Variants in SEPTIN2 observed in about 807,000 individuals in gnomAD.
SEPTIN2 encodes the protein septin 2, also known as septin-2.
A neutral mutation model predicts 46.5 loss-of-function variants in SEPTIN2; 34 were observed. The observed-to-expected ratio is 0.73, with a 90% confidence interval of 0.56 to 0.97. The LOEUF (loss-of-function observed/expected upper bound fraction) is 0.97. SEPTIN2 is among the 50% of genes least tolerant of loss of function. The pLI is 0.00. For missense variants in SEPTIN2, 347 were observed against 448.4 expected (o/e 0.77, Z 2.04); for synonymous variants, 175 against 153.4 (o/e 1.14, Z -1.04).
intron 9 of SEPTIN2, 129 bp downstream of exon 9, chr2:241,344,026 A>ACCACT: frequency 8.7e-7 from 1 of 1,143,638 alleles, no homozygotes; most frequent in Non-Finnish European, 1.3e-6. Flanking sequence ...TGTTTCTCAC[A>ACCACT]TCGCAGAAGT....
intron 1 of SEPTIN2, among the ~76,000 whole-genome samples, chr2:241,319,529 A>C (rs531784531): frequency 6.6e-6 from 1 of 152,226 alleles, no homozygotes; most frequent in Non-Finnish European, 1.5e-5. Context: ...TTAATTTTCT[A>C]TTGTTTAGAA....
chr2:241,343,912 G>A lies in SEPTIN2; in HGVS notation c.842+15G>A, dbSNP rs1413577879. The A allele has an allele frequency of 6.2e-7, 1 of 1,613,352 alleles. No homozygotes were observed. The highest frequency in any genetic ancestry group is 8.5e-7 in the Non-Finnish European group (1 of 1,179,440). ...ACCATGCTCATGTAAGACATTTGGTGTGTTCCTTCTGGCAGAATTTGGCGT... is the reference window on the plus strand; with the variant it reads ...ACCATGCTCATGTAAGACATTTGGTATGTTCCTTCTGGCAGAATTTGGCGT... On this transcript the variant is annotated intron_variant, in intron 9 of 12. Coordinates refer to ENST00000391971, the MANE Select transcript of SEPTIN2 (RefSeq NM_004404.5).
intron 11 of SEPTIN2, 52 bp downstream of exon 11, chr2:241,348,243 T>G: frequency 6.5e-7 from 1 of 1,530,780 alleles, no homozygotes; most frequent in Non-Finnish European, 9.0e-7. Flanking sequence ...TTTTGTTTGT[T>G]TTGAGACAGA....
At chr2:241,334,888 CAT>C (rs2079661236) in intron 3 of SEPTIN2, among the ~76,000 whole-genome samples, 1 of 152,170 alleles carries the variant, frequency 6.6e-6, no homozygotes, top group South Asian at 2.1e-4. Context: ...TCTGTAGTCT[CAT>C]AGACCTGGAT....
intron 1 of SEPTIN2, chr2:241,317,616 T>C (rs963651740): frequency 1.0e-6 from 1 of 954,506 alleles, no homozygotes; most frequent in Non-Finnish European, 1.2e-6. Flanking sequence ...CCATTTGTAT[T>C]GTCTGTTCTG....
chr2:241,332,045 T>C (rs1017626409), intron 3 of SEPTIN2, among the ~76,000 whole-genome samples: 2 of 152,236 alleles, frequency 1.3e-5, no homozygotes, highest in African/African-American at 4.8e-5. Flanking sequence ...CAACTCCTGC[T>C]TCACACTGTA....
At position 241,336,131 on chromosome 2, in the gene SEPTIN2, G is replaced by A. The variant is rs763401725; in HGVS notation, c.341+33G>A. ...CCCCCATGCCCAGGGATCTGCATTT[G>A]TTTACTTAATATACTTCATAAATTT... On this transcript the variant is annotated intron_variant, in intron 5 of 12. Coordinates refer to ENST00000391971, the MANE Select transcript of SEPTIN2 (RefSeq NM_004404.5). 3 of 1,606,930 alleles carry A rather than the reference G, an allele frequency of 1.9e-6. 1 individual carries two copies. The highest frequency in any genetic ancestry group is 2.2e-5 in the South Asian group (2 of 90,356).
chr2:241,351,892 G>C (rs888455161), intron 12 of SEPTIN2, 75 bp from the exon 13 acceptor site: 1 of 152,432 alleles, frequency 6.6e-6, no homozygotes, highest in Non-Finnish European at 1.5e-5. Flanking sequence ...AAGGAGAAAA[G>C]TAGAACTGTT....
At chr2:241,326,263 A>T in intron 3 of SEPTIN2, 150 bp downstream of exon 3, 1 of 639,630 alleles carries the variant, frequency 1.6e-6, no homozygotes, top group Non-Finnish European at 2.4e-6. Flanking sequence ...TGTATTCATT[A>T]GAAAATTTTT....
intron 1 of SEPTIN2, among the ~76,000 whole-genome samples, chr2:241,323,816 G>A (rs1246419943): frequency 6.6e-6 from 1 of 152,142 alleles, no homozygotes; most frequent in Non-Finnish European, 1.5e-5. Context: ...TCGGAACTAA[G>A]GCTCATTTAA....
At chr2:241,329,420 A>G (rs932221730) in intron 3 of SEPTIN2, among the ~76,000 whole-genome samples, 1 of 152,170 alleles carries the variant, frequency 6.6e-6, no homozygotes, top group African/African-American at 2.4e-5. Flanking sequence ...TCTTACACAG[A>G]CATCTTCATG....
intron 11 of SEPTIN2, 22 bp downstream of exon 11, chr2:241,348,213 G>C (rs550647045): frequency 6.3e-7 from 1 of 1,578,152 alleles, no homozygotes; most frequent in South Asian, 1.1e-5. Flanking sequence ...AGTACTATTG[G>C]TTGGTTGGTT....
At chr2:241,349,101 T>A (rs1234405409) in intron 11 of SEPTIN2, among the ~76,000 whole-genome samples, 1 of 152,166 alleles carries the variant, frequency 6.6e-6, no homozygotes, top group Non-Finnish European at 1.5e-5. Flanking sequence ...GGGTTACACT[T>A]ATAGTCCCAG....
At position 241,349,695 on chromosome 2, in the gene SEPTIN2, C is replaced by T. The variant is rs536220043; in HGVS notation, c.985-378C>T. 2.0e-5 allele frequency among the ~76,000 whole-genome samples: 3 copies of T among 152,202 alleles called. No homozygotes were observed. In the East Asian group the frequency reaches 5.8e-4, roughly 29 times the overall value. Reference sequence around the variant, plus strand: ...AATCAGCTGGGCGTGGTGGTGTGTGCCTGTAATCCCAGCTACTCAGGAGGC... The same window carrying T: ...AATCAGCTGGGCGTGGTGGTGTGTGTCTGTAATCCCAGCTACTCAGGAGGC... On this transcript the variant is annotated intron_variant, in intron 11 of 12. Coordinates refer to ENST00000391971, the MANE Select transcript of SEPTIN2 (RefSeq NM_004404.5).
intron 3 of SEPTIN2, among the ~76,000 whole-genome samples, chr2:241,329,364 G>A (rs755883934): frequency 1.3e-4 from 20 of 151,992 alleles, no homozygotes; most frequent in Admixed American, 2.6e-4. Flanking sequence ...TCCTGACTTC[G>A]TGATCCGCCC....
At chr2:241,340,726 G>A (rs988568620) in intron 7 of SEPTIN2, among the ~76,000 whole-genome samples, 6 of 152,134 alleles carry the variant, frequency 3.9e-5, no homozygotes, top group Non-Finnish European at 8.8e-5. Context: ...GAGATGAATC[G>A]AAATACTTCG....
At chr2:241,323,754 G>T (rs1212048499) in intron 1 of SEPTIN2, among the ~76,000 whole-genome samples, 6 of 152,192 alleles carry the variant, frequency 3.9e-5, no homozygotes, top group African/African-American at 1.4e-4. Flanking sequence ...GGGGAAAAAT[G>T]AGGATTGTTT....
intron 7 of SEPTIN2, among the ~76,000 whole-genome samples, chr2:241,340,250 T>C (rs1313897977): frequency 6.6e-6 from 1 of 152,216 alleles, no homozygotes; most frequent in African/African-American, 2.4e-5. Flanking sequence ...CCGATGTGAG[T>C]ATCTGTGCTG....
chr2:241,335,577 C>A (rs193089239), intron 4 of SEPTIN2: 3 of 604,322 alleles, frequency 5.0e-6, no homozygotes, highest in Non-Finnish European at 8.8e-6. Context: ...TCAGAAAGTT[C>A]CAGCACAGGA....
Sources: gnomAD v4.1 joint callset for allele counts (sites outside exome capture counted in the v4.1 genomes callset) on GRCh38, gnomAD v4.1.1 for gene constraint, MANE v1.5 for transcripts, NCBI Gene and HGNC (gene_info 2026-07-23, HGNC 2026-07-21) for gene names.